The following HECW1 variants were observed in gnomAD, a reference collection of about 807,000 sequenced individuals.
HECW1 encodes E3 ubiquitin-protein ligase HECW1.
HECW1 carries 61 observed loss-of-function variants against 182.3 expected under a neutral mutation model. That is an observed-to-expected ratio of 0.33 (90% CI 0.27 to 0.41). The LOEUF (loss-of-function observed/expected upper bound fraction) is 0.41. HECW1 is among the 10% of genes least tolerant of loss of function. The pLI is 1.00. For missense variants in HECW1, 1,739 were observed against 2,108.9 expected (o/e 0.82, Z 3.44); for synonymous variants, 859 against 832.6 (o/e 1.03, Z -0.55).
intron 17 of HECW1, among the ~76,000 whole-genome samples, chr7:43,481,492 A>C (rs912964139): frequency 6.6e-6 from 1 of 152,224 alleles, no homozygotes; most frequent in African/African-American, 2.4e-5. Flanking sequence ...AATTACAAGA[A>C]ATTAGTCTGA....
rs766078063 is a variant in HECW1 at position 43,360,937 on chromosome 7, G to A, written c.512G>A (p.Arg171Gln). Residue 171 changes from arginine (R) to glutamine (Q), a missense_variant, in exon 6 of 30, where the codon CGA (arginine) becomes CAA (glutamine). Arg to Gln is a conservative substitution (Grantham distance 43). This residue lies in a region of HECW1 where 279 missense variants were observed against 353.1 expected (regional missense o/e 0.79). Coordinates refer to ENST00000395891, the MANE Select transcript of HECW1 (RefSeq NM_015052.5). ...KYYHGVSGAL[R>Q]ATTPSVTVKN... is the part of the protein sequence containing the mutation. Reference sequence around the variant, plus strand: ...TACCATGGAGTGAGTGGGGCCCTGCGAGCAACCACCCCCAGTGTCACGGTC... The same window carrying A: ...TACCATGGAGTGAGTGGGGCCCTGCAAGCAACCACCCCCAGTGTCACGGTC... 2 of 1,613,750 alleles carry A rather than the reference G, an allele frequency of 1.2e-6. No homozygotes were observed. Among genetic ancestry groups the A allele is most frequent in the East Asian group, 2.2e-5 (1 of 44,890 alleles).
intron 5 of HECW1, among the ~76,000 whole-genome samples, chr7:43,329,005 T>C (rs1811134810): frequency 6.6e-6 from 1 of 152,184 alleles, no homozygotes; most frequent in East Asian, 1.9e-4. Flanking sequence ...GCTCCGTCCC[T>C]GCATGCCAAG....
At chr7:43,377,670 G>T (rs2074384338) in intron 6 of HECW1, 1 of 203,208 alleles carries the variant, frequency 4.9e-6, no homozygotes, top group Non-Finnish European at 1.0e-5. Flanking sequence ...TTTTTCCTAT[G>T]TTACTTACAG....
intron 2 of HECW1, among the ~76,000 whole-genome samples, chr7:43,184,320 A>G (rs1243824561): frequency 1.3e-5 from 2 of 152,152 alleles, no homozygotes; most frequent in Non-Finnish European, 2.9e-5. Flanking sequence ...CAATTCTTAC[A>G]TTATATTCTC....
At chr7:43,430,257 C>T (rs188229257) in intron 8 of HECW1, among the ~76,000 whole-genome samples, 1 of 152,330 alleles carries the variant, frequency 6.6e-6, no homozygotes, top group African/African-American at 2.4e-5. Context: ...ATCACCCTCA[C>T]ATCCATATCC....
chr7:43,188,676 A>G (rs1793628407), intron 2 of HECW1, among the ~76,000 whole-genome samples: 1 of 152,222 alleles, frequency 6.6e-6, no homozygotes, highest in South Asian at 2.1e-4. Flanking sequence ...TTCAATAAAA[A>G]TTAAATGTAC....
chr7:43,210,049 T>C (rs756437695), intron 2 of HECW1, among the ~76,000 whole-genome samples: 18 of 152,176 alleles, frequency 1.2e-4, no homozygotes, highest in Non-Finnish European at 2.2e-4. Context: ...TCTACTGCTC[T>C]TGATGGTTTT....
intron 29 of HECW1, among the ~76,000 whole-genome samples, chr7:43,555,601 C>T (rs933363821): frequency 2.0e-5 from 3 of 152,214 alleles, no homozygotes; most frequent in Admixed American, 6.5e-5. Flanking sequence ...ACATGGCCAC[C>T]CAAATACCTT....
intron 3 of HECW1, among the ~76,000 whole-genome samples, chr7:43,299,738 C>A (rs1300300267): frequency 6.6e-6 from 1 of 152,186 alleles, no homozygotes; most frequent in Non-Finnish European, 1.5e-5. Flanking sequence ...TCTTCTAGAA[C>A]CCAGTGAAAC....
chr7:43,353,420 C>A (rs1037446106), intron 5 of HECW1, among the ~76,000 whole-genome samples: 1 of 151,974 alleles, frequency 6.6e-6, no homozygotes, highest in Non-Finnish European at 1.5e-5. Context: ...AGAAGAGTAC[C>A]ATGACGTCCA....
At chr7:43,319,113 C>T (rs1048486507) in intron 4 of HECW1, among the ~76,000 whole-genome samples, 4 of 152,134 alleles carry the variant, frequency 2.6e-5, no homozygotes, top group Non-Finnish European at 4.4e-5. Flanking sequence ...TCGGGCCGGG[C>T]GCGGTGGCTC....
intron 2 of HECW1, among the ~76,000 whole-genome samples, chr7:43,162,295 G>A (rs909199054): frequency 2.0e-5 from 3 of 152,222 alleles, no homozygotes; most frequent in Non-Finnish European, 2.9e-5. Context: ...AGTTCTAGAG[G>A]CCAGAAGTCT....
intron 5 of HECW1, among the ~76,000 whole-genome samples, chr7:43,349,162 G>A (rs13238604): frequency 0.18 from 26,829 of 152,118 alleles, 3,105 homozygotes; most frequent in Non-Finnish European, 0.26. Context: ...AGCCTACCGA[G>A]TAGTTGGGAT....
chr7:43,128,840 A>C (rs1786576501), intron 2 of HECW1, among the ~76,000 whole-genome samples: 1 of 152,154 alleles, frequency 6.6e-6, no homozygotes, highest in Admixed American at 6.5e-5. Context: ...CATTGGTTGC[A>C]ACCCTCATGG....
At chr7:43,367,644 A>G (rs1199518986) in intron 6 of HECW1, among the ~76,000 whole-genome samples, 1 of 152,202 alleles carries the variant, frequency 6.6e-6, no homozygotes, top group East Asian at 1.9e-4. Context: ...GCAAAGGATC[A>G]ATGCTGCCCA....
At chr7:43,308,567 G>A (rs1380237834) in intron 3 of HECW1, among the ~76,000 whole-genome samples, 2 of 150,652 alleles carry the variant, frequency 1.3e-5, no homozygotes, top group African/African-American at 4.9e-5. Flanking sequence ...ATAACTTTGT[G>A]TTCATATCTT....
chr7:43,472,410 A>G (rs1279684780), intron 16 of HECW1, among the ~76,000 whole-genome samples: 1 of 152,150 alleles, frequency 6.6e-6, no homozygotes, highest in Non-Finnish European at 1.5e-5. Context: ...CAGGATTTTA[A>G]GCTTTTTAAG....
intron 2 of HECW1, among the ~76,000 whole-genome samples, chr7:43,215,597 G>A (rs1294250176): frequency 6.6e-6 from 1 of 152,098 alleles, no homozygotes; most frequent in Non-Finnish European, 1.5e-5. Flanking sequence ...TATCCTAGTT[G>A]CTTTGCAGTC....
At chr7:43,420,936 A>G (rs1258695044) in intron 8 of HECW1, among the ~76,000 whole-genome samples, 2 of 152,196 alleles carry the variant, frequency 1.3e-5, no homozygotes, top group Non-Finnish European at 2.9e-5. Context: ...TAACTTGACA[A>G]GCTAATTCTA....
Sources: gnomAD v4.1 joint callset for allele counts (sites outside exome capture counted in the v4.1 genomes callset) on GRCh38, gnomAD v4.1.1 for gene constraint, gnomAD v4.1.1 regional missense constraint, MANE v1.5 for transcripts, NCBI Gene and HGNC (gene_info 2026-07-23, HGNC 2026-07-21) for gene names.